The following TNS3 variants were observed in gnomAD, a reference collection of about 807,000 sequenced individuals.
TNS3 encodes tensin-3.
Under a neutral mutation model 140.9 loss-of-function variants are expected in TNS3, and 45 were observed. The ratio of observed to expected loss-of-function variants is 0.32; its 90% CI spans 0.25 to 0.41. The LOEUF is 0.41. Ranked by LOEUF, TNS3 falls within the 10% of genes least tolerant of loss-of-function variation. TNS3 has a pLI of 1.00. For synonymous variants in TNS3, 815 were observed against 788.4 expected (o/e 1.03, Z -0.56); for missense variants, 1,716 against 1,906.7 (o/e 0.90, Z 1.86).
chr7:47,433,662 C>T (rs1795031195), intron 8 of TNS3, among the ~76,000 whole-genome samples: 1 of 152,234 alleles, frequency 6.6e-6, no homozygotes, highest in Non-Finnish European at 1.5e-5. Context: ...CAGCAGGCAG[C>T]AGGTCTGGGT....
chr7:47,308,800 T>C (rs1786906578), intron 20 of TNS3, among the ~76,000 whole-genome samples: 1 of 152,188 alleles, frequency 6.6e-6, no homozygotes, highest in Non-Finnish European at 1.5e-5. Context: ...CTTCCCAGCT[T>C]TGAGTTAGCA....
intron 13 of TNS3, among the ~76,000 whole-genome samples, chr7:47,408,452 G>C (rs920177782): frequency 5.9e-5 from 9 of 152,120 alleles, no homozygotes; most frequent in Non-Finnish European, 1.2e-4. Flanking sequence ...CATGGGGAGA[G>C]GGCCTATGGG....
intron 2 of TNS3, among the ~76,000 whole-genome samples, chr7:47,522,438 C>G (rs1184856404): frequency 6.6e-6 from 1 of 152,184 alleles, no homozygotes; most frequent in Non-Finnish European, 1.5e-5. Context: ...TTATCTCAGC[C>G]GCCTCAGCCT....
chr7:47,573,347 G>A (rs1424992113), intron 1 of TNS3, among the ~76,000 whole-genome samples: 1 of 152,152 alleles, frequency 6.6e-6, no homozygotes, highest in African/African-American at 2.4e-5. Flanking sequence ...CCACCCTGGG[G>A]ACACCCTGCC....
intron 3 of TNS3, among the ~76,000 whole-genome samples, chr7:47,489,373 C>T (rs1321050582): frequency 2.6e-5 from 4 of 152,202 alleles, no homozygotes; most frequent in African/African-American, 9.6e-5. Context: ...TTGGTCTCGG[C>T]TCTTCTCACC....
intron 16 of TNS3, among the ~76,000 whole-genome samples, chr7:47,390,680 G>C (rs1238195505): frequency 2.6e-5 from 4 of 152,168 alleles, no homozygotes; most frequent in Non-Finnish European, 5.9e-5. Context: ...AGAAACCAAG[G>C]ACAAGAGTGA....
chr7:47,542,926 C>CAAAA (rs33935034), intron 1 of TNS3, among the ~76,000 whole-genome samples: 5 of 135,142 alleles, frequency 3.7e-5, no homozygotes, highest in South Asian at 4.8e-4. Context: ...GCAAGACTGT[C>CAAAA]AAAAAAAAAA....
chr7:47,457,058 A>C (rs1796274971), intron 4 of TNS3, among the ~76,000 whole-genome samples: 1 of 145,174 alleles, frequency 6.9e-6, no homozygotes, highest in South Asian at 2.3e-4. Flanking sequence ...TAAAATATTC[A>C]GTGTGGGCTC....
chr7:47,503,595 C>CG (rs779842954), intron 3 of TNS3, among the ~76,000 whole-genome samples: 320 of 7,052 alleles, frequency 0.045, no homozygotes, highest in South Asian at 0.29. Flanking sequence ...TTCCCTGAAA[C>CG]TTAAGTATTA....
chr7:47,411,614 G>T (rs1793773098), intron 13 of TNS3, 113 bp downstream of exon 13: 2 of 1,115,482 alleles, frequency 1.8e-6, no homozygotes, highest in Non-Finnish European at 2.6e-6. Flanking sequence ...CTTCCTACAG[G>T]GTACTTTTTT....
intron 17 of TNS3, among the ~76,000 whole-genome samples, chr7:47,363,001 A>T (rs1562638606): frequency 7.2e-4 from 5 of 6,980 alleles, no homozygotes; most frequent in African/African-American, 1.3e-3. Flanking sequence ...ACATCATCAC[A>T]GTCATCACCA....
intron 4 of TNS3, among the ~76,000 whole-genome samples, chr7:47,462,861 C>A (rs1028469350): frequency 2.0e-5 from 3 of 152,148 alleles, no homozygotes; most frequent in African/African-American, 7.2e-5. Flanking sequence ...AAGCAAATTG[C>A]CTATCATAGG....
intron 17 of TNS3, among the ~76,000 whole-genome samples, chr7:47,353,192 G>A (rs1415411758): frequency 2.0e-5 from 3 of 152,196 alleles, no homozygotes; most frequent in Non-Finnish European, 2.9e-5. Context: ...AGCTGTCCCA[G>A]GTGGGGACAA....
At chr7:47,573,755 T>C (rs3943496) in intron 1 of TNS3, among the ~76,000 whole-genome samples, 148,753 of 152,310 alleles carry the variant, frequency 0.98, 72,747 homozygotes, top group East Asian at 1. Context: ...GGAGAAACAT[T>C]AGGATGAGTC....
chr7:47,508,654 G>A (rs1422735539), intron 2 of TNS3, among the ~76,000 whole-genome samples: 1 of 152,180 alleles, frequency 6.6e-6, no homozygotes, highest in East Asian at 1.9e-4. Context: ...TCGTCTCTTG[G>A]CCCCCATGCT....
chr7:47,446,035 G>T (rs1279525575), intron 4 of TNS3, among the ~76,000 whole-genome samples: 1 of 136,332 alleles, frequency 7.3e-6, no homozygotes, highest in Non-Finnish European at 1.7e-5. Context: ...CTCATATAAG[G>T]TTTAAAAAAC....
intron 16 of TNS3, among the ~76,000 whole-genome samples, chr7:47,379,696 C>A (rs1270903578): frequency 2.0e-5 from 3 of 152,152 alleles, no homozygotes; most frequent in African/African-American, 7.2e-5. Context: ...GCATTGCTCC[C>A]TTGGTGCATC....
upstream of TNS3, chr7:47,582,283 G>A: frequency 2.8e-6 from 1 of 360,682 alleles, no homozygotes; most frequent in South Asian, 2.1e-5. Flanking sequence ...GCCCTTCACC[G>A]GGGTCCCCCG....
At chr7:47,530,968 C>T (rs1799384454) in intron 1 of TNS3, among the ~76,000 whole-genome samples, 1 of 150,824 alleles carries the variant, frequency 6.6e-6, no homozygotes, top group South Asian at 2.1e-4. Flanking sequence ...GGCCAAAAGA[C>T]ACATTACATG....
Sources: gnomAD v4.1 joint callset for allele counts (sites outside exome capture counted in the v4.1 genomes callset) on GRCh38, gnomAD v4.1.1 for gene constraint, MANE v1.5 for transcripts, NCBI Gene and HGNC (gene_info 2026-07-23, HGNC 2026-07-21) for gene names.